Variants in SH2D6 observed in about 807,000 individuals in gnomAD.
SH2D6 encodes the protein SH2 domain-containing protein 6.
A neutral mutation model predicts 30.2 loss-of-function variants in SH2D6; 31 were observed. That is an observed-to-expected ratio of 1.03 (90% CI 0.77 to 1.38). The LOEUF is 1.38. SH2D6 is among the 40% of genes most tolerant of loss of function. SH2D6 has a pLI of 0.00. For synonymous variants in SH2D6, 93 were observed against 104.6 expected (o/e 0.89, Z 0.68); for missense variants, 240 against 266.8 (o/e 0.90, Z 0.70).
At chr2:85,420,387 C>T (rs558630980) in intron 2 of SH2D6, among the ~76,000 whole-genome samples, 2 of 152,120 alleles carry the variant, frequency 1.3e-5, no homozygotes, top group South Asian at 2.1e-4. Context: ...CCCAAAGTGC[C>T]GGGATTACAG....
intron 5 of SH2D6, among the ~76,000 whole-genome samples, chr2:85,422,989 G>T (rs538166421): frequency 1.3e-4 from 20 of 152,270 alleles, no homozygotes; most frequent in Admixed American, 3.9e-4. Flanking sequence ...CTAGGTTCAA[G>T]CAGTTCTCCT....
intron 5 of SH2D6, among the ~76,000 whole-genome samples, chr2:85,424,246 T>C (rs1030595187): frequency 6.6e-6 from 1 of 152,120 alleles, no homozygotes; most frequent in African/African-American, 2.4e-5. Context: ...TCCACTCCCC[T>C]CAAGAAGGGA....
intron 17 of SH2D6, 101 bp from the exon 18 acceptor site, chr2:85,434,239 G>C: frequency 6.6e-7 from 1 of 1,508,906 alleles, no homozygotes; most frequent in Non-Finnish European, 8.9e-7. Flanking sequence ...CATGGTTGTT[G>C]GCAGTGGTGG....
chr2:85,435,097 C>G lies in SH2D6; in HGVS notation c.622C>G (p.Pro208Ala). 6.2e-7 allele frequency: 1 copy of G among 1,600,960 alleles called. No individual in the cohort carries two copies. Among genetic ancestry groups the G allele is most frequent in the South Asian group, 1.1e-5 (1 of 90,762 alleles). The change falls in exon 20 of 24, where the codon CCC (proline) becomes GCC (alanine). Residue 208 changes from proline to alanine, a missense_variant. Coordinates refer to ENST00000469800, the MANE Select transcript of SH2D6 (RefSeq NM_001394463.1). ...GAAATCGTCTCTTCCCTCTGTAGCC[C>G]CCACTGGGAGTGCCTCAGCTGCTGA... is the stretch of plus-strand genomic sequence containing the variant. ...GRKSSLPSVA[P>A]TGSASAAEDS...
rs1413601025 is a variant in SH2D6 at position 85,434,104 on chromosome 2, G to A, written c.526G>A (p.Val176Met). 2 of 1,550,516 alleles carry A rather than the reference G, an allele frequency of 1.3e-6. No individual in the cohort carries two copies. Among genetic ancestry groups the A allele is most frequent in the Non-Finnish European group, 1.7e-6 (2 of 1,146,962 alleles). Residue 176 changes from valine (V) to methionine (M), a missense_variant, in exon 17 of 24, where the codon GTG becomes ATG. Transcript: ENST00000469800. ...PSGPLPRTSV[V>M]PRPTTAPQET... ...AGGCCCTCTGCCCAGGACATCAGTG[G>A]TGCCCAGGTAAGTGCCCCACCAGGT...
In SH2D6 at chr2:85,422,168, T is replaced by TC. The variant is rs1320641172; in HGVS notation, c.-576-35_-576-34insC. 5.3e-5 allele frequency: 8 copies of TC among 151,490 alleles called. No individual in the cohort carries two copies. In the South Asian group the frequency reaches 1.2e-3, roughly 24 times the overall value. 9.4% of individuals were successfully genotyped at this position (151,490 alleles called of 1,614,324 possible). On this transcript the variant is annotated intron_variant, in intron 2 of 23. Coordinates refer to ENST00000469800, the MANE Select transcript of SH2D6 (RefSeq NM_001394463.1). Reference sequence around the variant, plus strand: ...AAGAGTCCTTTTTTCTTTCTTTCTTTTTTTTTTCTTTTTACTGTTGTGCTG... The same window carrying TC: ...AAGAGTCCTTTTTTCTTTCTTTCTTTCTTTTTTTCTTTTTACTGTTGTGCTG...
chr2:85,420,184 A>C (rs1321490825), intron 2 of SH2D6, among the ~76,000 whole-genome samples: 1 of 152,146 alleles, frequency 6.6e-6, no homozygotes, highest in Non-Finnish European at 1.5e-5. Context: ...GGTCCACTGC[A>C]ACCTCTGCCT....
chr2:85,434,556 T>TACA, intron 19 of SH2D6, 59 bp downstream of exon 19: 1 of 1,541,860 alleles, frequency 6.5e-7, no homozygotes, highest in African/African-American at 1.4e-5. Context: ...CACAGTCAGT[T>TACA]ACAGATCAAA....
At chr2:85,423,196 T>TG (rs752332433) in intron 5 of SH2D6, among the ~76,000 whole-genome samples, 3,004 of 87,696 alleles carry the variant, frequency 0.034, 46 homozygotes, top group South Asian at 0.066. Flanking sequence ...CCTGTTTTTT[T>TG]TTTTGTTGTT....
chr2:85,428,668 C>G lies in SH2D6; in HGVS notation c.-124C>G, dbSNP rs970822089. ...GCATCACAAACCAACCTTTATGGCA[C>G]CTTGATCTTAGACTTCTAGCTCCAG... On this transcript the variant is annotated 5_prime_UTR_variant, in exon 7 of 24. Transcript: ENST00000469800. 2.6e-5 allele frequency: 4 copies of G among 152,180 alleles called. No individual in the cohort carries two copies. The highest frequency in any genetic ancestry group is 4.4e-5 in the Non-Finnish European group (3 of 68,046). 9.4% of individuals were successfully genotyped at this position (152,180 alleles called of 1,614,324 possible). A position where few individuals can be genotyped will look rare whatever the true frequency, so the allele number is the denominator to read the frequency against.
chr2:85,429,334 G>A (rs1203263102), intron 7 of SH2D6, 38 bp from the exon 8 acceptor site: 3 of 152,306 alleles, frequency 2.0e-5, no homozygotes, highest in African/African-American at 4.8e-5. Flanking sequence ...TTGGTCCAGG[G>A]TTGGAGGCCA....
Position 85,436,919 on chromosome 2 carries a change from C to T in SH2D6, c.*95C>T, listed in dbSNP as rs1008118067. 1.1e-5 allele frequency: 3 copies of T among 265,864 alleles called. No individual in the cohort carries two copies. The Admixed American group carries it at 1.5e-4, about 13-fold the overall frequency. The allele number at this position is 265,864 out of a possible 1,614,324, so 16.5% of individuals were successfully genotyped here. ...GACCAGTCAGGGGACAGCACAGGCA[C>T]TGCTGGAACAGCAAAGGATCCTCTC... On this transcript the variant is annotated 3_prime_UTR_variant, in exon 24 of 24. Transcript: ENST00000469800.
intron 14 of SH2D6, among the ~76,000 whole-genome samples, chr2:85,432,400 T>C (rs2104925849): frequency 6.6e-6 from 1 of 150,602 alleles, no homozygotes. Flanking sequence ...TTTTGTTTTG[T>C]TTTGTTTTGT....
At position 85,434,110 on chromosome 2, in the gene SH2D6, A is replaced by G. The variant is rs558244379; in HGVS notation, c.532A>G (p.Arg178Gly). Residue 178 changes from arginine (R) to glycine (G), a missense_variant and splice_region_variant, in exon 17 of 24, where the codon AGG becomes GGG. Arg to Gly is a moderately radical substitution (Grantham distance 125). Coordinates refer to ENST00000469800, the MANE Select transcript of SH2D6 (RefSeq NM_001394463.1). The part of the protein sequence containing the change: ...GPLPRTSVVP[R>G]PTTAPQETRN... ...TCTGCCCAGGACATCAGTGGTGCCC[A>G]GGTAAGTGCCCCACCAGGTGTGCAC... The G allele has an allele frequency of 2.1e-4, 333 of 1,550,444 alleles. 5 individuals are homozygous for G. The South Asian group carries it at 3.9e-3, about 18-fold the overall frequency.
At chr2:85,424,426 A>C (rs1405689097) in intron 5 of SH2D6, among the ~76,000 whole-genome samples, 2 of 151,414 alleles carry the variant, frequency 1.3e-5, no homozygotes, top group Non-Finnish European at 2.9e-5. Context: ...CTTTCTTTCT[A>C]TCTATATTGA....
intron 21 of SH2D6, 42 bp from the exon 22 acceptor site, chr2:85,435,624 G>T: frequency 1.3e-6 from 2 of 1,579,158 alleles, no homozygotes; most frequent in Non-Finnish European, 1.7e-6. Flanking sequence ...CAGTGGGAGG[G>T]CCATTGGAAG....
At chr2:85,434,769 A>C (rs1475691998) in intron 19 of SH2D6, 2 of 1,452,094 alleles carry the variant, frequency 1.4e-6, no homozygotes, top group Non-Finnish European at 9.1e-7. Context: ...ACTCCAGCTG[A>C]GATCAGGCCT....
At chr2:85,426,405 C>A (rs1688056604) in intron 6 of SH2D6, among the ~76,000 whole-genome samples, 1 of 152,042 alleles carries the variant, frequency 6.6e-6, no homozygotes, top group South Asian at 2.1e-4. Flanking sequence ...CAGAATCTCT[C>A]TGGCCTTTTC....
intron 6 of SH2D6, among the ~76,000 whole-genome samples, chr2:85,427,884 T>G (rs1476515941): frequency 1.3e-5 from 2 of 152,296 alleles, no homozygotes; most frequent in East Asian, 3.9e-4. Flanking sequence ...TTTTCTGGTC[T>G]TCCTCTCCAT....
Sources: allele counts gnomAD v4.1 joint callset (sites outside exome capture counted in the v4.1 genomes callset), GRCh38; gene constraint gnomAD v4.1.1; transcripts MANE v1.5; gene names NCBI Gene and HGNC (gene_info 2026-07-23, HGNC 2026-07-21).